Variants in ADAMTS19 observed in about 807,000 individuals in gnomAD.
ADAMTS19 encodes the protein ADAM metallopeptidase with thrombospondin type 1 motif 19, also known as A disintegrin and metalloproteinase with thrombospondin motifs 19.
ADAMTS19 carries 93 observed loss-of-function variants against 153.3 expected under a neutral mutation model. The observed-to-expected ratio is 0.61, with a 90% CI of 0.51 to 0.72. The LOEUF (loss-of-function observed/expected upper bound fraction) is 0.72, where lower values mean the gene tolerates loss of function less well. Among genes scored for constraint, ADAMTS19 ranks in the 30% least tolerant of loss-of-function variants. The pLI is 0.00. For synonymous variants in ADAMTS19, 600 were observed against 556.6 expected, an observed-to-expected ratio of 1.08 and a Z score of -1.10; for missense variants, 1,482 against 1,552.1, an observed-to-expected ratio of 0.95 and a Z score of 0.76.
In ADAMTS19 at chr5:129,683,144, C is replaced by G. The variant is rs537092613; in HGVS notation, c.2665-976C>G. On this transcript the variant is annotated intron_variant, in intron 17 of 22. Transcript: ENST00000274487. ...CTCAGATCCATAGAAGTGATATATTCCATGGGATTGCTTGACACATTTTCT... is the reference window on the plus strand; with the variant it reads ...CTCAGATCCATAGAAGTGATATATTGCATGGGATTGCTTGACACATTTTCT... 1.2e-4 allele frequency among the ~76,000 whole-genome samples: 18 copies of G among 149,192 alleles called. No individual in the cohort carries two copies. The East Asian group carries it at 3.0e-3, about 25-fold the overall frequency.
chr5:129,513,573 G>A (rs1043349494), intron 3 of ADAMTS19, among the ~76,000 whole-genome samples: 1 of 151,850 alleles, frequency 6.6e-6, no homozygotes, highest in Non-Finnish European at 1.5e-5. Context: ...TGTTACATGT[G>A]TTATTTTATT....
chr5:129,560,500 G>A (rs995814911), intron 7 of ADAMTS19, among the ~76,000 whole-genome samples: 2 of 152,154 alleles, frequency 1.3e-5, no homozygotes, highest in African/African-American at 4.8e-5. Context: ...AATGCCTATA[G>A]GCAACCAGCA....
chr5:129,499,285 G>A (rs1466231088), intron 2 of ADAMTS19, among the ~76,000 whole-genome samples: 1 of 151,966 alleles, frequency 6.6e-6, no homozygotes, highest in Non-Finnish European at 1.5e-5. Flanking sequence ...AATATACAAT[G>A]AGAAATGAGA....
chr5:129,474,683 G>T lies in ADAMTS19; in HGVS notation c.747+12926G>T, dbSNP rs185687259. Among the ~76,000 whole-genome samples, 1,140 of 138,236 alleles carry T rather than the reference G, an allele frequency of 8.2e-3. 18 individuals are homozygous for T. Among genetic ancestry groups the T allele is most frequent in the African/African-American group, 0.031 (1,071 of 35,022 alleles). The allele number at this position is 138,236 out of a possible 152,430, so 90.7% of individuals were successfully genotyped here. ...TGGGAACATTTCTATCAACTCAAAG[G>T]CTCCTTTATAACCATCTGGAGTCAC... On this transcript the variant is annotated intron_variant, in intron 2 of 22. Coordinates refer to ENST00000274487, the MANE Select transcript of ADAMTS19 (RefSeq NM_133638.6).
chr5:129,495,575 C>T (rs1243543858), intron 2 of ADAMTS19, among the ~76,000 whole-genome samples: 10 of 152,088 alleles, frequency 6.6e-5, no homozygotes, highest in Non-Finnish European at 1.2e-4. Flanking sequence ...ATAGTCACCA[C>T]TGTCTAGTAG....
At chr5:129,527,880 G>A (rs756040508) in intron 5 of ADAMTS19, 49 bp downstream of exon 5, 2 of 1,212,578 alleles carry the variant, frequency 1.6e-6, no homozygotes, top group Non-Finnish European at 1.2e-6. Flanking sequence ...GAGAAATTTT[G>A]TTCAGAAACT....
At chr5:129,574,805 A>C (rs1204040743) in intron 7 of ADAMTS19, among the ~76,000 whole-genome samples, 5 of 151,876 alleles carry the variant, frequency 3.3e-5, no homozygotes, top group African/African-American at 1.2e-4. Context: ...AAAAGCATCT[A>C]TTATTAAGTT....
chr5:129,695,565 T>G (rs548511267), intron 19 of ADAMTS19, among the ~76,000 whole-genome samples: 7 of 152,272 alleles, frequency 4.6e-5, no homozygotes, highest in Non-Finnish European at 8.8e-5. Context: ...GGAACCTGAG[T>G]ATAATTTTGG....
rs544562597 is a variant in ADAMTS19, at chr5:129,602,086, A to G, written c.1478+5422A>G. Among the ~76,000 whole-genome samples, 177 of 152,296 alleles carry G rather than the reference A, an allele frequency of 1.2e-3. 1 individual carries two copies. The highest frequency in any genetic ancestry group is 4.2e-3 in the African/African-American group (173 of 41,578). On this transcript the variant is annotated intron_variant, in intron 8 of 22. Coordinates refer to ENST00000274487, the MANE Select transcript of ADAMTS19 (RefSeq NM_133638.6). ...CTTGTGAACTCTTTACTGCAAAATT[A>G]CACAATTTTATTTTATTTTTTTTGA... is the stretch of plus-strand genomic sequence containing the variant.
intron 8 of ADAMTS19, among the ~76,000 whole-genome samples, chr5:129,597,892 C>T (rs1454358057): frequency 3.1e-5 from 4 of 129,330 alleles, no homozygotes; most frequent in Admixed American, 1.7e-4. Flanking sequence ...CAGAGTGAGT[C>T]TCTATCTCAA....
At chr5:129,714,502 C>T (rs1756635166) in intron 21 of ADAMTS19, among the ~76,000 whole-genome samples, 1 of 151,118 alleles carries the variant, frequency 6.6e-6, no homozygotes, top group East Asian at 1.9e-4. Context: ...GTATATAGAG[C>T]GTAATAAATA....
chr5:129,563,963 A>G (rs1339697858), intron 7 of ADAMTS19, among the ~76,000 whole-genome samples: 3 of 151,968 alleles, frequency 2.0e-5, no homozygotes, highest in African/African-American at 7.2e-5. Flanking sequence ...TTTGTCACCG[A>G]GGCTGGAGTG....
At chr5:129,638,237 A>G (rs1447757814) in intron 10 of ADAMTS19, among the ~76,000 whole-genome samples, 1 of 152,134 alleles carries the variant, frequency 6.6e-6, no homozygotes, top group East Asian at 1.9e-4. Context: ...TTTTGTGGGA[A>G]GATTTTTAAC....
intron 2 of ADAMTS19, among the ~76,000 whole-genome samples, chr5:129,503,992 C>T (rs1326694661): frequency 2.0e-5 from 3 of 152,150 alleles, no homozygotes; most frequent in Non-Finnish European, 2.9e-5. Flanking sequence ...CGCTAATTCT[C>T]GGATGTACTT....
At chr5:129,661,644 T>G (rs1307082312) in intron 15 of ADAMTS19, among the ~76,000 whole-genome samples, 2 of 152,044 alleles carry the variant, frequency 1.3e-5, no homozygotes, top group African/African-American at 4.8e-5. Context: ...AAGCGTTTTC[T>G]TTTTTTTCCT....
At chr5:129,678,378 G>A (rs988746147) in intron 16 of ADAMTS19, among the ~76,000 whole-genome samples, 1 of 151,924 alleles carries the variant, frequency 6.6e-6, no homozygotes, top group African/African-American at 2.4e-5. Flanking sequence ...ACTCTGCCAC[G>A]CAAGTGTCAG....
chr5:129,611,202 G>A (rs1195764094), intron 8 of ADAMTS19, among the ~76,000 whole-genome samples: 2 of 151,508 alleles, frequency 1.3e-5, no homozygotes, highest in Non-Finnish European at 2.9e-5. Flanking sequence ...TTTGTCAGAT[G>A]AGTAGATTGC....
At chr5:129,475,340 T>G (rs954657811) in intron 2 of ADAMTS19, among the ~76,000 whole-genome samples, 1 of 152,204 alleles carries the variant, frequency 6.6e-6, no homozygotes, top group Admixed American at 6.5e-5. Flanking sequence ...TACCATACTT[T>G]CCTCATGAAA....
At chr5:129,460,852 G>A (rs1749622248) in intron 1 of ADAMTS19, among the ~76,000 whole-genome samples, 1 of 152,048 alleles carries the variant, frequency 6.6e-6, no homozygotes, top group South Asian at 2.1e-4. Flanking sequence ...TTTCAACAAT[G>A]AAGTGCGGTC....
Sources: allele counts gnomAD v4.1 joint callset (sites outside exome capture counted in the v4.1 genomes callset), GRCh38; gene constraint gnomAD v4.1.1; transcripts MANE v1.5; gene names NCBI Gene and HGNC (gene_info 2026-07-23, HGNC 2026-07-21).